PFKFB4: variants seen among roughly 807,000 people sequenced by gnomAD.
PFKFB4 encodes the protein 6-phosphofructo-2-kinase/fructose-2,6-bisphosphatase 4.
Under a neutral mutation model 62.8 loss-of-function variants are expected in PFKFB4, and 42 were observed. The observed-to-expected ratio is 0.67, with a 90% CI of 0.52 to 0.86. The LOEUF is 0.86. PFKFB4 is among the 40% of genes least tolerant of loss of function. PFKFB4 has a pLI of 0.00. For synonymous variants in PFKFB4, 204 were observed against 240.7 expected, an observed-to-expected ratio of 0.85 and a Z score of 1.41; for missense variants, 475 against 627.2, an observed-to-expected ratio of 0.76 and a Z score of 2.59.
chr3:48,563,000 G>A (rs1390612912), upstream of PFKFB4: 2 of 1,609,952 alleles, frequency 1.2e-6, no homozygotes, highest in African/African-American at 2.7e-5. This position sits in a 1 kb window ranked among gnomAD's most constrained non-coding sequence, Gnocchi z 4.3. Flanking sequence ...TGAGGCCGCA[G>A]GTCGGGGAGT....
chr3:48,536,861 G>C (rs1364519277), intron 7 of PFKFB4: 1 of 183,176 alleles, frequency 5.5e-6, no homozygotes, highest in Non-Finnish European at 1.2e-5. Flanking sequence ...GAGGGTTGTT[G>C]ACTTGGGAGT....
At chr3:48,524,770 T>C (rs1372846447) in intron 10 of PFKFB4, among the ~76,000 whole-genome samples, 1 of 152,240 alleles carries the variant, frequency 6.6e-6, no homozygotes, top group African/African-American at 2.4e-5. Flanking sequence ...TATATATGTG[T>C]ACATATGTGT....
upstream of PFKFB4, among the ~76,000 whole-genome samples, chr3:48,559,025 G>C (rs1332847955): frequency 6.6e-6 from 1 of 152,148 alleles, no homozygotes; most frequent in Non-Finnish European, 1.5e-5. Context: ...CACCTCCTCT[G>C]GCCTGTCCAT....
At chr3:48,523,356 C>G (rs2042155480) in intron 12 of PFKFB4, among the ~76,000 whole-genome samples, 181 bp downstream of exon 12, 1 of 152,114 alleles carries the variant, frequency 6.6e-6, no homozygotes, top group East Asian at 1.9e-4. Context: ...TGCACTCCAG[C>G]CTGGGTGACA....
Position 48,556,628 on chromosome 3 carries a change from T to G in PFKFB4, c.97+53A>C. On this transcript the variant is annotated intron_variant, in intron 1 of 13. Coordinates refer to ENST00000232375, the MANE Select transcript of PFKFB4 (RefSeq NM_004567.4). The surrounding 1 kb of genome is among the most constrained non-coding windows in gnomAD (Gnocchi z 5.7). ...TGCGAGACCCCCGCCCAGGCCGCCC[T>G]ACCCACCCATCCCGGTGCACCTCCC... 2.5e-4 allele frequency: 181 copies of G among 711,772 alleles called. No individual in the cohort carries two copies. The highest frequency in any genetic ancestry group is 3.4e-4 in the Non-Finnish European group (153 of 453,190). The allele number at this position is 711,772 out of a possible 1,614,324, so 44.1% of individuals were successfully genotyped here.
chr3:48,559,911 CA>C, upstream of PFKFB4: 1 of 167,474 alleles, frequency 6.0e-6, no homozygotes, highest in Non-Finnish European at 1.1e-5. Flanking sequence ...CACACACACA[CA>C]CACACACACA....
upstream of PFKFB4, among the ~76,000 whole-genome samples, chr3:48,558,188 T>A (rs2043376355): frequency 6.6e-6 from 1 of 152,110 alleles, no homozygotes; most frequent in African/African-American, 2.4e-5. Context: ...ATCCAGAAGT[T>A]CCTAAACCCC....
chr3:48,522,693 C>T (rs2042133488), intron 12 of PFKFB4, among the ~76,000 whole-genome samples: 1 of 151,912 alleles, frequency 6.6e-6, no homozygotes, highest in Non-Finnish European at 1.5e-5. Flanking sequence ...GCCCCTCATG[C>T]AGGTAGGCAA....
intron 9 of PFKFB4, among the ~76,000 whole-genome samples, chr3:48,527,242 C>T (rs1020167020): frequency 1.3e-5 from 2 of 151,638 alleles, no homozygotes; most frequent in Admixed American, 6.6e-5. Flanking sequence ...GTTACGGCAG[C>T]CCTAGTAAAC....
chr3:48,546,006 C>T (rs2042951233), intron 3 of PFKFB4, among the ~76,000 whole-genome samples: 1 of 152,106 alleles, frequency 6.6e-6, no homozygotes, highest in African/African-American at 2.4e-5. Flanking sequence ...AGCCTGGGAG[C>T]CTGTGTGTGT....
chr3:48,552,580 C>T (rs772860038), intron 1 of PFKFB4, among the ~76,000 whole-genome samples: 20 of 152,186 alleles, frequency 1.3e-4, no homozygotes, highest in Admixed American at 3.3e-4. Flanking sequence ...AGCTGAGGCC[C>T]GCATTGTGCA....
At chr3:48,534,809 G>C (rs1447854548) in intron 9 of PFKFB4, among the ~76,000 whole-genome samples, 1 of 151,722 alleles carries the variant, frequency 6.6e-6, no homozygotes, top group South Asian at 2.1e-4. Flanking sequence ...GTCAGCAGAA[G>C]AGCATTTTTT....
At chr3:48,520,545 T>G (rs1421020847) in intron 13 of PFKFB4, among the ~76,000 whole-genome samples, 2 of 152,198 alleles carry the variant, frequency 1.3e-5, no homozygotes, top group African/African-American at 2.4e-5. Flanking sequence ...CAACATGACA[T>G]GCCCAGATCT....
chr3:48,561,897 G>A (rs573764324), upstream of PFKFB4: 12 of 152,430 alleles, frequency 7.9e-5, no homozygotes, highest in African/African-American at 1.9e-4. This position sits in a 1 kb window ranked among gnomAD's most constrained non-coding sequence, Gnocchi z 5.2. Flanking sequence ...CGTGAAGTGG[G>A]ACAGAGTTTG....
chr3:48,526,276 A>G (rs2042256318), intron 9 of PFKFB4, among the ~76,000 whole-genome samples: 3 of 150,612 alleles, frequency 2.0e-5, no homozygotes, highest in African/African-American at 7.4e-5. Flanking sequence ...AAAAAAAAAG[A>G]AAAGTTGGCT....
At chr3:48,526,385 C>T (rs2042259622) in intron 9 of PFKFB4, among the ~76,000 whole-genome samples, 1 of 151,426 alleles carries the variant, frequency 6.6e-6, no homozygotes. Context: ...CCAGCATGGT[C>T]AACATGATGA....
Position 48,523,963 on chromosome 3 carries a change from G to T in PFKFB4, c.1093-133C>A, listed in dbSNP as rs1470722718. 6 of 1,024,820 alleles carry T rather than the reference G, an allele frequency of 5.9e-6. No homozygotes were observed. The African/African-American group carries it at 8.0e-5, about 14-fold the overall frequency. 63.5% of individuals were successfully genotyped at this position (1,024,820 alleles called of 1,614,324 possible). The stretch of plus-strand genomic sequence containing the variant: ...GGAAGCTGTGGCTGGGCCTCCTCCA[G>T]CCTAGCCTTCTGAGGCCATGGGGGT... On this transcript the variant is annotated intron_variant, in intron 10 of 13. Transcript: ENST00000232375.
At chr3:48,529,491 G>T (rs1198314822) in intron 9 of PFKFB4, among the ~76,000 whole-genome samples, 1 of 152,140 alleles carries the variant, frequency 6.6e-6, no homozygotes, top group African/African-American at 2.4e-5. Context: ...AACTGGGGTG[G>T]CTGCAGGCTT....
intron 6 of PFKFB4, 106 bp from the exon 7 acceptor site, chr3:48,538,725 G>C: frequency 7.0e-7 from 1 of 1,431,672 alleles, no homozygotes; most frequent in Non-Finnish European, 9.6e-7. Context: ...TTGCACCGGA[G>C]ACCAGTGCGG....
Sources: gnomAD v4.1 joint callset for allele counts (sites outside exome capture counted in the v4.1 genomes callset) on GRCh38, gnomAD v4.1.1 for gene constraint, Gnocchi (gnomAD v3.1) non-coding constraint, MANE v1.5 for transcripts, NCBI Gene and HGNC (gene_info 2026-07-23, HGNC 2026-07-21) for gene names.